Variants in UGT8 observed in about 807,000 individuals in gnomAD.
UGT8 encodes 2-hydroxyacylsphingosine 1-beta-galactosyltransferase.
Under a neutral mutation model 40.5 loss-of-function variants are expected in UGT8, and 12 were observed. The observed-to-expected ratio is 0.30, with a 90% confidence interval of 0.19 to 0.48. UGT8 has a LOEUF of 0.48. UGT8 is among the 20% of genes least tolerant of loss of function. The probability of loss-of-function intolerance (pLI) is 0.99; values close to 1 mark genes in which losing one functional copy is unlikely to be tolerated. For missense variants in UGT8, 513 were observed against 648.7 expected (o/e 0.79, Z 2.27); for synonymous variants, 224 against 240.4 (o/e 0.93, Z 0.63).
chr4:114,662,009 T>A (rs998997019), intron 2 of UGT8, among the ~76,000 whole-genome samples: 1 of 152,216 alleles, frequency 6.6e-6, no homozygotes, highest in Non-Finnish European at 1.5e-5. Flanking sequence ...AATCTACGGA[T>A]AACATTTAAA....
At position 114,623,655 on chromosome 4, in the gene UGT8, G is replaced by A. The variant is rs1039442570; in HGVS notation, c.775G>A (p.Val259Ile). Residue 259 changes from valine (V) to isoleucine (I), a missense_variant, in exon 2 of 6, where the codon GTT (valine) becomes ATT (isoleucine). Val to Ile is a conservative substitution (Grantham distance 29, BLOSUM62 3). This residue lies in a region of UGT8 where 335 missense variants were observed against 444.8 expected (regional missense o/e 0.75). Coordinates refer to ENST00000310836, the MANE Select transcript of UGT8 (RefSeq NM_001128174.3). ...EFPRPTLPNV[V>I]YVGGILTKPA... ...CCCAAGACCCACTCTGCCTAATGTT[G>A]TTTATGTAGGAGGAATCCTAACCAA... The A allele has an allele frequency of 9.3e-6, 15 of 1,611,798 alleles. No homozygotes were observed. The highest frequency in any genetic ancestry group is 1.3e-5 in the African/African-American group (1 of 74,890).
At chr4:114,636,702 G>A (rs1560686850) in intron 2 of UGT8, among the ~76,000 whole-genome samples, 1 of 151,252 alleles carries the variant, frequency 6.6e-6, no homozygotes, top group Non-Finnish European at 1.5e-5. Context: ...GCATTCTGCT[G>A]CCCCCTCTCC....
In UGT8 at chr4:114,639,455, C is replaced by T. The variant is rs898186379; in HGVS notation, c.822+15753C>T. Reference sequence around the variant, plus strand: ...GGGATTATGTATCCAGAAAGTGGTGCCATGAAAGGTAGCCTTACTGGCCTT... The same window carrying T: ...GGGATTATGTATCCAGAAAGTGGTGTCATGAAAGGTAGCCTTACTGGCCTT... On this transcript the variant is annotated intron_variant, in intron 2 of 5. Coordinates refer to ENST00000310836, the MANE Select transcript of UGT8 (RefSeq NM_001128174.3). Among the ~76,000 whole-genome samples the T allele has an allele frequency of 3.2e-4, 49 of 152,130 alleles. 1 individual carries two copies. The highest frequency in any genetic ancestry group is 3.9e-4 in the Admixed American group (6 of 15,268).
At chr4:114,657,085 T>C (rs1447388200) in intron 2 of UGT8, among the ~76,000 whole-genome samples, 1 of 152,082 alleles carries the variant, frequency 6.6e-6, no homozygotes, top group African/African-American at 2.4e-5. Flanking sequence ...AGTGATTTTT[T>C]TTTTCTGGTG....
chr4:114,673,181 CTA>C (rs1735408817), intron 5 of UGT8, among the ~76,000 whole-genome samples: 4 of 151,948 alleles, frequency 2.6e-5, no homozygotes, highest in Non-Finnish European at 5.9e-5. Flanking sequence ...TTTAATCACA[CTA>C]TTTTTTTGCA....
intron 2 of UGT8, among the ~76,000 whole-genome samples, chr4:114,627,961 A>G (rs1732340650): frequency 6.6e-6 from 1 of 152,182 alleles, no homozygotes; most frequent in East Asian, 1.9e-4. Context: ...GTTGGTACTC[A>G]ATAAAACTTT....
chr4:114,671,835 TTAAAC>T (rs1277887387), intron 5 of UGT8, among the ~76,000 whole-genome samples: 9 of 152,186 alleles, frequency 5.9e-5, no homozygotes, highest in East Asian at 1.9e-4. Context: ...TGGGATTTCA[TTAAAC>T]TAAAGTTTCT....
Position 114,623,617 on chromosome 4 carries a change from T to C in UGT8, c.737T>C (p.Val246Ala), listed in dbSNP as rs768800801. ...AGCCTGTGGATGCTGTGTACTGACG[T>C]AGCACTGGAATTCCCAAGACCCACT... is the stretch of plus-strand genomic sequence containing the variant. ...GSSLWMLCTD[V>A]ALEFPRPTLP... is the part of the protein sequence containing the mutation. Residue 246 changes from valine (V) to alanine (A), a missense_variant, in exon 2 of 6, where the codon GTA becomes GCA. Val to Ala is a moderately conservative substitution (Grantham distance 64). Around this residue, in one of 3 missense-constraint regions of UGT8, gnomAD observed 335 missense variants for 444.8 expected, o/e 0.75. Coordinates refer to ENST00000310836, the MANE Select transcript of UGT8 (RefSeq NM_001128174.3). The C allele has an allele frequency of 3.7e-6, 6 of 1,613,980 alleles. No homozygotes were observed. Among genetic ancestry groups the C allele is most frequent in the Admixed American group, 3.3e-5 (2 of 60,000 alleles).
At chr4:114,628,818 C>T (rs1414199206) in intron 2 of UGT8, among the ~76,000 whole-genome samples, 1 of 64,344 alleles carries the variant, frequency 1.6e-5, no homozygotes, top group Non-Finnish European at 4.2e-5. Flanking sequence ...CACTGTTTGT[C>T]ATTTTGTTAT....
chr4:114,632,384 G>T (rs1004893721), intron 2 of UGT8, among the ~76,000 whole-genome samples: 2 of 152,166 alleles, frequency 1.3e-5, no homozygotes, highest in African/African-American at 4.8e-5. Flanking sequence ...TTTTGACAGG[G>T]TGGATTTTCA....
chr4:114,647,356 T>TTTTGTG (rs1733634716), intron 2 of UGT8, among the ~76,000 whole-genome samples: 2 of 143,200 alleles, frequency 1.4e-5, no homozygotes, highest in Admixed American at 7.0e-5. Context: ...ATTAGCTCTT[T>TTTTGTG]TGTGTGTGTG....
At chr4:114,608,210 TC>T (rs1730846820) in intron 1 of UGT8, among the ~76,000 whole-genome samples, 1 of 152,158 alleles carries the variant, frequency 6.6e-6, no homozygotes, top group Admixed American at 6.5e-5. Flanking sequence ...GACACTCAAG[TC>T]CCACCTCAGA....
chr4:114,676,801 G>A lies in UGT8; in HGVS notation c.*513G>A, dbSNP rs1735684463. On this transcript the variant is annotated 3_prime_UTR_variant, in exon 6 of 6. Coordinates refer to ENST00000310836, the MANE Select transcript of UGT8 (RefSeq NM_001128174.3). ...ATGTTTCTTTTCTAGCATTTAATGT[G>A]TGTGAACTCAGAACACTACCATGAA... 6.6e-6 allele frequency: 1 copy of A among 150,852 alleles called. No homozygotes were observed. Among genetic ancestry groups the A allele is most frequent in the Admixed American group, 6.6e-5 (1 of 15,118 alleles). The allele number at this position is 150,852 out of a possible 1,614,324, so 9.3% of individuals were successfully genotyped here. A position where few individuals can be genotyped will look rare whatever the true frequency, so the allele number is the denominator to read the frequency against.
rs1031774879 is a variant in UGT8 at position 114,622,698 on chromosome 4, G to A, written c.-2-181G>A. 2 of 552,068 alleles carry A rather than the reference G, an allele frequency of 3.6e-6. 1 individual carries two copies. Among genetic ancestry groups the A allele is most frequent in the South Asian group, 5.4e-5 (2 of 36,854 alleles). 34.2% of individuals were successfully genotyped at this position (552,068 alleles called of 1,614,324 possible). ...TTTCTCTGATGGCCAGTGATGGTGA[G>A]CATTTTTTCATGTGTTTTTTGGCTG... On this transcript the variant is annotated intron_variant, in intron 1 of 5. Coordinates refer to ENST00000310836, the MANE Select transcript of UGT8 (RefSeq NM_001128174.3).
intron 4 of UGT8, 34 bp from the exon 5 acceptor site, chr4:114,668,051 G>T: frequency 1.2e-6 from 2 of 1,602,256 alleles, no homozygotes; most frequent in Non-Finnish European, 1.7e-6. Context: ...GAGTAATAAT[G>T]TTGTAAGTTG....
At chr4:114,619,135 A>C (rs985753744) in intron 1 of UGT8, among the ~76,000 whole-genome samples, 1 of 152,100 alleles carries the variant, frequency 6.6e-6, no homozygotes, top group Admixed American at 6.5e-5. Flanking sequence ...TTAAATTTCG[A>C]ACAAAACCCA....
At chr4:114,599,663 A>G (rs2126080268) in intron 1 of UGT8, among the ~76,000 whole-genome samples, 1 of 152,250 alleles carries the variant, frequency 6.6e-6, no homozygotes, top group African/African-American at 2.4e-5. Context: ...CTTGCATTAG[A>G]GAAGCCTGTG....
At chr4:114,598,464 T>G (rs12511617), upstream of UGT8, 149,117 of 152,374 alleles carry the variant, frequency 0.98, 73,057 homozygotes, top group Middle Eastern at 1. Flanking sequence ...CAAGCCAACC[T>G]CGCTCAGCGG....
At chr4:114,661,028 C>T (rs1162907555) in intron 2 of UGT8, among the ~76,000 whole-genome samples, 1 of 152,048 alleles carries the variant, frequency 6.6e-6, no homozygotes, top group Non-Finnish European at 1.5e-5. Context: ...CCATTGTCCC[C>T]ATTTATTCAG....
Sources: allele counts gnomAD v4.1 joint callset (sites outside exome capture counted in the v4.1 genomes callset), GRCh38; gene constraint gnomAD v4.1.1; regional missense constraint gnomAD v4.1.1; transcripts MANE v1.5; gene names NCBI Gene and HGNC (gene_info 2026-07-23, HGNC 2026-07-21).